LHFPL3: variants seen among roughly 807,000 people sequenced by gnomAD.
LHFPL3 encodes the protein LHFPL tetraspan subfamily member 3, also known as LHFPL tetraspan subfamily member 3 protein.
A neutral mutation model predicts 19.3 loss-of-function variants in LHFPL3; 5 were observed. The ratio of observed to expected loss-of-function variants is 0.26; its 90% CI spans 0.14 to 0.54. The LOEUF is 0.54. Ranked by LOEUF, LHFPL3 falls within the 20% of genes least tolerant of loss-of-function variation. The pLI is 0.94. For synonymous variants in LHFPL3, 133 were observed against 126.2 expected, an observed-to-expected ratio of 1.05 and a Z score of -0.36; for missense variants, 249 against 307.4, an observed-to-expected ratio of 0.81 and a Z score of 1.42.
chr7:104,544,030 T>C (rs1219028442), intron 1 of LHFPL3, among the ~76,000 whole-genome samples: 1 of 150,670 alleles, frequency 6.6e-6, no homozygotes, highest in Non-Finnish European at 1.5e-5. Context: ...TCCCAGAACT[T>C]AAAGTAAAAT....
chr7:104,702,195 G>A (rs913589332), intron 1 of LHFPL3, among the ~76,000 whole-genome samples: 1 of 151,984 alleles, frequency 6.6e-6, no homozygotes, highest in African/African-American at 2.4e-5. Flanking sequence ...TCCCTGTAAG[G>A]GACATGAACT....
At chr7:104,781,246 C>T (rs143975514) in intron 2 of LHFPL3, among the ~76,000 whole-genome samples, 118 of 152,348 alleles carry the variant, frequency 7.7e-4, no homozygotes, top group African/African-American at 2.4e-3. Context: ...ATCTCAACAA[C>T]TCCCCAACCA....
At chr7:104,378,200 C>T (rs185143669) in intron 1 of LHFPL3, among the ~76,000 whole-genome samples, 1 of 152,194 alleles carries the variant, frequency 6.6e-6, no homozygotes, top group East Asian at 1.9e-4. Context: ...TTCTAGCACC[C>T]CTAACACTTC....
At chr7:104,643,708 A>G (rs1165995023) in intron 1 of LHFPL3, among the ~76,000 whole-genome samples, 1 of 152,200 alleles carries the variant, frequency 6.6e-6, no homozygotes. Flanking sequence ...AAAGCTCCCC[A>G]GATGATTCTA....
At chr7:104,385,012 A>C (rs1208353830) in intron 1 of LHFPL3, among the ~76,000 whole-genome samples, 1 of 151,942 alleles carries the variant, frequency 6.6e-6, no homozygotes, top group African/African-American at 2.4e-5. Flanking sequence ...CCCCAATCCG[A>C]AGAAATTGGC....
At chr7:104,644,548 A>G (rs750912261) in intron 1 of LHFPL3, among the ~76,000 whole-genome samples, 7 of 152,178 alleles carry the variant, frequency 4.6e-5, no homozygotes, top group Non-Finnish European at 1.0e-4. Flanking sequence ...AGTTAGGAGC[A>G]TTTTCTTCAT....
intron 1 of LHFPL3, among the ~76,000 whole-genome samples, chr7:104,479,495 G>A (rs193065758): frequency 6.6e-6 from 1 of 151,734 alleles, no homozygotes; most frequent in Admixed American, 6.6e-5. Context: ...AGATTCAAGC[G>A]ATTCTCCTGC....
rs187038353 is a variant in LHFPL3 at position 104,639,138 on chromosome 7, A to G, written c.446-97537A>G. ...ATTTTTACATCAATATTTCAGTATG[A>G]ATGGTACCAACTCTTCTTAGTACAT... On this transcript the variant is annotated intron_variant, in intron 1 of 2. Coordinates refer to ENST00000424859, the MANE Select transcript of LHFPL3 (RefSeq NM_199000.3). Among the ~76,000 whole-genome samples the G allele has an allele frequency of 5.9e-5, 9 of 152,256 alleles. No homozygotes were observed. The East Asian group carries it at 1.7e-3, about 29-fold the overall frequency.
intron 1 of LHFPL3, among the ~76,000 whole-genome samples, chr7:104,608,088 C>T (rs1292501516): frequency 2.6e-5 from 4 of 152,268 alleles, no homozygotes; most frequent in South Asian, 2.1e-4. Context: ...GTCACTGCGG[C>T]GATTCCTCAG....
chr7:104,833,033 A>ATATATATCTAT (rs1790995442), intron 2 of LHFPL3, among the ~76,000 whole-genome samples: 2 of 1,414 alleles, frequency 1.4e-3, no homozygotes, highest in African/African-American at 2.7e-3. Context: ...TAGATATATT[A>ATATATATCTAT]TATATATATA....
intron 2 of LHFPL3, among the ~76,000 whole-genome samples, chr7:104,831,702 C>T (rs1008306790): frequency 2.0e-5 from 3 of 151,052 alleles, no homozygotes; most frequent in Non-Finnish European, 1.5e-5. Context: ...GATTTTTCTC[C>T]TTCACACACA....
intron 2 of LHFPL3, among the ~76,000 whole-genome samples, chr7:104,813,309 T>C (rs149425645): frequency 6.6e-6 from 1 of 152,248 alleles, no homozygotes; most frequent in East Asian, 1.9e-4. Flanking sequence ...ACGTACAGTA[T>C]TACTCTAAGA....
At chr7:104,467,839 G>C (rs1242698032) in intron 1 of LHFPL3, among the ~76,000 whole-genome samples, 1 of 152,094 alleles carries the variant, frequency 6.6e-6, no homozygotes, top group African/African-American at 2.4e-5. Context: ...CCTTCATCCT[G>C]CTCCTCCTTC....
intron 1 of LHFPL3, among the ~76,000 whole-genome samples, chr7:104,557,151 C>T (rs1030819808): frequency 6.6e-6 from 1 of 152,218 alleles, no homozygotes; most frequent in Non-Finnish European, 1.5e-5. Flanking sequence ...CAATCTCTGC[C>T]TTGTTCCCAG....
intron 1 of LHFPL3, among the ~76,000 whole-genome samples, chr7:104,361,318 AT>A (rs1283827178): frequency 2.0e-5 from 3 of 152,178 alleles, no homozygotes; most frequent in African/African-American, 7.2e-5. Context: ...TATTGATTGT[AT>A]TTATAGATTC....
chr7:104,494,990 C>A (rs1264488708), intron 1 of LHFPL3, among the ~76,000 whole-genome samples: 3 of 152,178 alleles, frequency 2.0e-5, no homozygotes, highest in African/African-American at 7.2e-5. Flanking sequence ...CTTCCAAACC[C>A]CCCTCCAGAT....
chr7:104,467,879 T>C (rs1049997010), intron 1 of LHFPL3, among the ~76,000 whole-genome samples: 4 of 152,224 alleles, frequency 2.6e-5, no homozygotes, highest in African/African-American at 7.2e-5. Flanking sequence ...CTAAATTGTT[T>C]TCCATGTCTT....
chr7:104,721,409 G>C (rs566578455), intron 1 of LHFPL3, among the ~76,000 whole-genome samples: 1 of 152,224 alleles, frequency 6.6e-6, no homozygotes, highest in East Asian at 1.9e-4. Context: ...AGCTAGGGGA[G>C]GGATAGCATT....
chr7:104,328,979 C>A lies in LHFPL3; in HGVS notation c.200C>A (p.Thr67Asn). The change falls in exon 1 of 3, where the codon ACC becomes AAC. Residue 67 changes from threonine to asparagine, a missense_variant. By Grantham distance (65) the Thr-to-Asn change is moderately conservative. Transcript: ENST00000424859. The surrounding 1 kb of genome is among the most constrained non-coding windows in gnomAD (Gnocchi z 4.6). The part of the protein sequence containing the change: ...QPYWIGDGVD[T>N]PQAGYFGLFH... ...TACTGGATAGGCGACGGCGTGGACA[C>A]CCCGCAAGCCGGCTATTTCGGGCTC... 1 of 1,614,200 alleles carries A rather than the reference C, an allele frequency of 6.2e-7. No individual in the cohort carries two copies. Among genetic ancestry groups the A allele is most frequent in the Non-Finnish European group, 8.5e-7 (1 of 1,180,034 alleles).
Sources: gnomAD v4.1 joint callset for allele counts (sites outside exome capture counted in the v4.1 genomes callset) on GRCh38, gnomAD v4.1.1 for gene constraint, Gnocchi (gnomAD v3.1) non-coding constraint, MANE v1.5 for transcripts, NCBI Gene and HGNC (gene_info 2026-07-23, HGNC 2026-07-21) for gene names.